The following CCNH variants were observed in gnomAD, a reference collection of about 807,000 sequenced individuals.
The protein encoded by CCNH is cyclin H.
Under a neutral mutation model 41.9 loss-of-function variants are expected in CCNH, and 31 were observed. The observed-to-expected ratio is 0.74, with a 90% CI of 0.56 to 1.00. The LOEUF (loss-of-function observed/expected upper bound fraction) is 1.00, where lower values mean the gene tolerates loss of function less well. Ranked by LOEUF, CCNH falls within the 50% of genes least tolerant of loss-of-function variation. CCNH has a pLI of 0.00. For synonymous variants in CCNH, 138 were observed against 136.1 expected (o/e 1.01, Z -0.10); for missense variants, 362 against 388.4 (o/e 0.93, Z 0.57).
chr5:87,351,397 A>G (rs765410879), intron 9 of CCNH, among the ~76,000 whole-genome samples: 18 of 151,792 alleles, frequency 1.2e-4, no homozygotes, highest in Non-Finnish European at 2.2e-4. Context: ...ATGGGAATCA[A>G]TAAATGAGAG....
intron 7 of CCNH, among the ~76,000 whole-genome samples, chr5:87,398,269 G>A (rs996527590): frequency 6.6e-6 from 1 of 152,140 alleles, no homozygotes; most frequent in African/African-American, 2.4e-5. Flanking sequence ...AACTGTATAG[G>A]TAAGGAATTT....
intron 9 of CCNH, chr5:87,332,484 T>C: frequency 6.3e-7 from 1 of 1,592,134 alleles, no homozygotes; most frequent in Non-Finnish European, 8.6e-7. Flanking sequence ...TTTTTTATAC[T>C]GTATTTTTTC....
At chr5:87,398,681 T>C (rs138354264) in intron 7 of CCNH, among the ~76,000 whole-genome samples, 295 of 152,312 alleles carry the variant, frequency 1.9e-3, no homozygotes, top group African/African-American at 6.7e-3. Flanking sequence ...TGGCCTCTTT[T>C]CCTATTGGCT....
chr5:87,372,463 C>T (rs1761018774), downstream of CCNH, among the ~76,000 whole-genome samples: 1 of 152,110 alleles, frequency 6.6e-6, no homozygotes, highest in South Asian at 2.1e-4. Flanking sequence ...CTGTTGGGCA[C>T]TTAATTTTCC....
intron 9 of CCNH, among the ~76,000 whole-genome samples, chr5:87,346,221 TC>T (rs1234039198): frequency 6.6e-6 from 1 of 152,038 alleles, no homozygotes; most frequent in Non-Finnish European, 1.5e-5. Flanking sequence ...ATTCTGACTT[TC>T]AGCAAAGTAA....
At chr5:87,403,096 G>A (rs2112565406) in intron 5 of CCNH, among the ~76,000 whole-genome samples, 1 of 152,208 alleles carries the variant, frequency 6.6e-6, no homozygotes, top group East Asian at 1.9e-4. Context: ...GCATTATCCA[G>A]ACTATGACAA....
chr5:87,315,376 CT>C (rs1421716575), downstream of CCNH, among the ~76,000 whole-genome samples: 1 of 152,148 alleles, frequency 6.6e-6, no homozygotes, highest in Non-Finnish European at 1.5e-5. Context: ...CTCTCCTTCT[CT>C]TATAAAAACC....
chr5:87,386,359 G>C (rs759557507), intron 9 of CCNH, among the ~76,000 whole-genome samples: 11 of 152,036 alleles, frequency 7.2e-5, no homozygotes, highest in African/African-American at 1.4e-4. Flanking sequence ...GAATTCATCT[G>C]AATCTTTGAG....
At chr5:87,410,453 A>AT (rs3840120) in intron 2 of CCNH, among the ~76,000 whole-genome samples, 15 of 151,404 alleles carry the variant, frequency 9.9e-5, no homozygotes, top group Non-Finnish European at 1.8e-4. Flanking sequence ...ACATACTTCA[A>AT]TTTTTTTTTC....
downstream of CCNH, chr5:87,391,100 G>A: frequency 3.2e-6 from 2 of 625,788 alleles, no homozygotes; most frequent in Non-Finnish European, 5.7e-6. Flanking sequence ...ATTTCCACAT[G>A]GAATCAATCT....
intron 6 of CCNH, among the ~76,000 whole-genome samples, chr5:87,400,077 A>G (rs1419358656): frequency 6.6e-6 from 1 of 152,218 alleles, no homozygotes. Flanking sequence ...ATAATTGCAA[A>G]AACATCCTCT....
chr5:87,355,704 A>C (rs1031828057), intron 9 of CCNH, among the ~76,000 whole-genome samples: 1 of 152,236 alleles, frequency 6.6e-6, no homozygotes, highest in African/African-American at 2.4e-5. Flanking sequence ...TGACTTATGG[A>C]TCTGGGCAAG....
intron 2 of CCNH, among the ~76,000 whole-genome samples, chr5:87,410,614 A>G (rs1173845110): frequency 6.6e-6 from 1 of 152,192 alleles, no homozygotes. Context: ...GAATAACGTA[A>G]CAACATTTTG....
intron 9 of CCNH, among the ~76,000 whole-genome samples, chr5:87,348,854 G>A (rs1759053084): frequency 1.3e-5 from 2 of 151,876 alleles, no homozygotes; most frequent in African/African-American, 4.8e-5. Flanking sequence ...TTCTTATTAC[G>A]AAGATTTACA....
At chr5:87,404,801 C>A (rs1320529126) in intron 5 of CCNH, 43 bp downstream of exon 5, 4 of 1,429,654 alleles carry the variant, frequency 2.8e-6, no homozygotes, top group South Asian at 1.3e-5. Flanking sequence ...AATAAATAAA[C>A]CCAGTGACTG....
intron 9 of CCNH, among the ~76,000 whole-genome samples, chr5:87,358,239 G>T (rs1759800154): frequency 6.6e-6 from 1 of 152,092 alleles, no homozygotes; most frequent in Non-Finnish European, 1.5e-5. Context: ...GCAAGCATTA[G>T]ACAAAAAGGG....
chr5:87,391,683 TTA>T (rs754875609), downstream of CCNH: 34 of 233,012 alleles, frequency 1.5e-4, no homozygotes, highest in Non-Finnish European at 2.5e-4. Context: ...CCAATTTCTT[TTA>T]TGTTAACTAG....
At chr5:87,324,815 C>A (rs1757104483) in intron 9 of CCNH, among the ~76,000 whole-genome samples, 1 of 151,904 alleles carries the variant, frequency 6.6e-6, no homozygotes, top group South Asian at 2.1e-4. Context: ...AGTGGTTGTT[C>A]AAGTGAATTT....
chr5:87,377,292 A>G (rs1457661341), upstream of CCNH: 1 of 501,476 alleles, frequency 2.0e-6, no homozygotes, highest in South Asian at 2.1e-5. Flanking sequence ...ATCTGTGTCT[A>G]CATCAATGGC....
Sources: allele counts gnomAD v4.1 joint callset (sites outside exome capture counted in the v4.1 genomes callset), GRCh38; gene constraint gnomAD v4.1.1; transcripts MANE v1.5; gene names NCBI Gene and HGNC (gene_info 2026-07-23, HGNC 2026-07-21).